USP40: variants seen among roughly 807,000 people sequenced by gnomAD.
The protein encoded by USP40 is ubiquitin carboxyl-terminal hydrolase 40.
USP40 carries 143 observed loss-of-function variants against 166.2 expected under a neutral mutation model. That is an observed-to-expected ratio of 0.86 (90% CI 0.75 to 0.99). USP40 has a LOEUF of 0.99. USP40 is among the 50% of genes least tolerant of loss of function. The probability of loss-of-function intolerance (pLI) is 0.00; values close to 1 mark genes in which losing one functional copy is unlikely to be tolerated. For missense variants in USP40, 1,444 were observed against 1,479.7 expected (o/e 0.98, Z 0.40); for synonymous variants, 498 against 524.0 (o/e 0.95, Z 0.68).
At position 233,524,521 on chromosome 2, in the gene USP40, C is replaced by T; in HGVS notation, c.1852G>A (p.Glu618Lys). 1 of 1,607,094 alleles carries T rather than the reference C, an allele frequency of 6.2e-7. No homozygotes were observed. The highest frequency in any genetic ancestry group is 8.5e-7 in the Non-Finnish European group (1 of 1,177,306). Residue 618 changes from glutamate (E) to lysine (K), a missense_variant, in exon 15 of 32, where the codon GAA becomes AAA. Transcript: ENST00000678225. ...ACCCCATTCCACACAAAGATGTCTT[C>T]CCCATCAGCAATTTCAGTTTCACAC... ...TLCETEIADG[E>K]DIFVWNGVEV...
In USP40 at chr2:233,525,503, T is replaced by C; in HGVS notation, c.1785A>G (p.Gly595=). The C allele has an allele frequency of 6.2e-7, 1 of 1,613,296 alleles. No individual in the cohort carries two copies. Among genetic ancestry groups the C allele is most frequent in the Non-Finnish European group, 8.5e-7 (1 of 1,179,458 alleles). ...VLSVAKLVPA[G]LHIYQSLGGD... ...CGCCAAGTGACTGGTAAATGTGAAG[T>C]CCTGCTGGTACAAGCTTTGCAACAC... Residue 595 remains glycine (G), a synonymous_variant, in exon 14 of 32, where the codon GGA becomes GGG. Transcript: ENST00000678225.
intron 2 of USP40, 58 bp downstream of exon 2, chr2:233,565,298 A>T: frequency 7.8e-7 from 1 of 1,281,874 alleles, no homozygotes; most frequent in Non-Finnish European, 1.1e-6. Flanking sequence ...TTGCATAATT[A>T]ATTACATGTA....
intron 22 of USP40, among the ~76,000 whole-genome samples, chr2:233,499,425 T>A (rs1427523122): frequency 1.3e-5 from 2 of 152,224 alleles, no homozygotes; most frequent in East Asian, 3.8e-4. Context: ...GGCATTTGGG[T>A]TGATTCCATG....
At chr2:233,495,115 C>T (rs2125089028) in intron 24 of USP40, among the ~76,000 whole-genome samples, 1 of 150,392 alleles carries the variant, frequency 6.6e-6, no homozygotes, top group South Asian at 2.1e-4. Context: ...AATTATAGTC[C>T]TCCAAACAAT....
In USP40 at chr2:233,491,250, T is replaced by C. The variant is rs763028517; in HGVS notation, c.2929A>G (p.Asn977Asp). 1.9e-6 allele frequency: 3 copies of C among 1,611,564 alleles called. No homozygotes were observed. Among genetic ancestry groups the C allele is most frequent in the Non-Finnish European group, 2.5e-6 (3 of 1,178,812 alleles). ...RATSSQGASG[N>D]EPAQVSLLYL... ...AGGAGAGAAACTTGCGCAGGCTCGT[T>C]CCCAGAAGCACCTTCCAAAGGACAG... is the stretch of plus-strand genomic sequence containing the variant. Residue 977 changes from asparagine (N) to aspartate (D), a missense_variant, in exon 26 of 32, where the codon AAC becomes GAC. Coordinates refer to ENST00000678225, the MANE Select transcript of USP40 (RefSeq NM_001365479.2).
At chr2:233,517,394 T>G (rs1301567952) in intron 18 of USP40, among the ~76,000 whole-genome samples, 2 of 147,904 alleles carry the variant, frequency 1.4e-5, no homozygotes, top group South Asian at 2.1e-4. Flanking sequence ...TTGTTTTTTT[T>G]TTTTTTTTGA....
At chr2:233,501,061 T>G (rs1203012195) in intron 21 of USP40, among the ~76,000 whole-genome samples, 2 of 152,234 alleles carry the variant, frequency 1.3e-5, no homozygotes, top group Non-Finnish European at 2.9e-5. Flanking sequence ...AATTATAGAT[T>G]GTTTAGAAAA....
rs981790837 is a variant in USP40 at position 233,533,495 on chromosome 2, C to T, written c.1455G>A (p.Leu485=). The change falls in exon 11 of 32, where the codon TTG becomes TTA. Residue 485 remains leucine (L), a synonymous_variant. Coordinates refer to ENST00000678225, the MANE Select transcript of USP40 (RefSeq NM_001365479.2). The part of the protein sequence containing the change: ...AYMLFYRKSQ[L]QRPPEARANP... ...TTTCCATACCTTCAGGGGGTCTCTG[C>T]AACTGGGATTTCCGATAAAACAACA... 1.2e-6 allele frequency: 2 copies of T among 1,613,310 alleles called. No homozygotes were observed. The highest frequency in any genetic ancestry group is 1.7e-6 in the Non-Finnish European group (2 of 1,179,466).
At chr2:233,500,245 C>T (rs146077517) in intron 21 of USP40, among the ~76,000 whole-genome samples, 8 of 152,262 alleles carry the variant, frequency 5.3e-5, no homozygotes, top group African/African-American at 1.9e-4. Flanking sequence ...TATGATTAAT[C>T]AAGTTAATTT....
chr2:233,530,577 A>G (rs1295526744), intron 11 of USP40, among the ~76,000 whole-genome samples: 3 of 152,190 alleles, frequency 2.0e-5, no homozygotes, highest in African/African-American at 7.2e-5. Flanking sequence ...TGTATTCCAT[A>G]CCTACCAGCT....
chr2:233,560,844 A>G (rs2071520953), intron 3 of USP40: 1 of 541,858 alleles, frequency 1.8e-6, no homozygotes, highest in Non-Finnish European at 3.3e-6. Flanking sequence ...TTGCAAAAAA[A>G]GTGCTTTAAA....
intron 13 of USP40, among the ~76,000 whole-genome samples, chr2:233,527,152 ACT>A (rs1203875075): frequency 6.6e-6 from 1 of 151,936 alleles, no homozygotes. Flanking sequence ...ACAACTTTAT[ACT>A]CTTTCTTCCC....
chr2:233,517,781 GGTGT>G (rs111938537), intron 18 of USP40, among the ~76,000 whole-genome samples: 13,346 of 142,064 alleles, frequency 0.094, 610 homozygotes, highest in Middle Eastern at 0.14. Context: ...AAGAAACTGT[GGTGT>G]GTGTGTGTGT....
chr2:233,482,131 T>C (rs2064647446), intron 30 of USP40, among the ~76,000 whole-genome samples: 1 of 152,164 alleles, frequency 6.6e-6, no homozygotes, highest in South Asian at 2.1e-4. Flanking sequence ...TAGGAACATG[T>C]CGTGTCAAGT....
At chr2:233,563,272 T>C (rs2071826336) in intron 2 of USP40, among the ~76,000 whole-genome samples, 1 of 152,182 alleles carries the variant, frequency 6.6e-6, no homozygotes, top group Non-Finnish European at 1.5e-5. Context: ...TAATAACAGA[T>C]GGCAGTGGTC....
intron 16 of USP40, 147 bp downstream of exon 16, chr2:233,523,023 A>C: frequency 1.1e-6 from 1 of 920,386 alleles, no homozygotes; most frequent in Non-Finnish European, 1.6e-6. Flanking sequence ...AACCTAAAAC[A>C]TTCCTGTATG....
chr2:233,510,093 TC>T lies in USP40; in HGVS notation c.2568del (p.Thr857GlnfsTer6). ...FFAMGSDVQP[G>X]TEMEIVVEET... The stretch of plus-strand genomic sequence containing the variant: ...TCTTCTACTACGATTTCCATTTCTG[TC>T]CCAGGTTGAACGTCACTCCCCATTG... On this transcript the variant is annotated frameshift_variant, in exon 21 of 32. Coordinates refer to ENST00000678225, the MANE Select transcript of USP40 (RefSeq NM_001365479.2). LOFTEE classifies it high-confidence loss of function. The T allele has an allele frequency of 6.2e-7, 1 of 1,604,336 alleles. No homozygotes were observed. The highest frequency in any genetic ancestry group is 1.1e-5 in the South Asian group (1 of 88,690).
In USP40 at chr2:233,485,590, GT is replaced by G. The variant is rs572063854; in HGVS notation, c.3444del (p.Lys1148AsnfsTer12). The stretch of plus-strand genomic sequence containing the variant: ...TACGGTGCCCCTTGCAAATAATCTT[GT>G]TTTTTTTTCTTTTTCCTCTTGGTTA... ...QQITKRKKKK[K>X]QDYLQGAPYY... On this transcript the variant is annotated frameshift_variant, in exon 30 of 32. Transcript: ENST00000678225. LOFTEE classifies it high-confidence loss of function. 1.9e-6 allele frequency: 3 copies of G among 1,597,416 alleles called. No individual in the cohort carries two copies. The highest frequency in any genetic ancestry group is 8.6e-7 in the Non-Finnish European group (1 of 1,168,304).
intron 31 of USP40, among the ~76,000 whole-genome samples, chr2:233,479,430 G>T (rs1559206953): frequency 6.6e-6 from 1 of 152,110 alleles, no homozygotes; most frequent in Non-Finnish European, 1.5e-5. Flanking sequence ...GGGCATAGTG[G>T]TGCACGCCTG....
Sources: gnomAD v4.1 joint callset for allele counts (sites outside exome capture counted in the v4.1 genomes callset) on GRCh38, gnomAD v4.1.1 for gene constraint, MANE v1.5 for transcripts, NCBI Gene and HGNC (gene_info 2026-07-23, HGNC 2026-07-21) for gene names.